GPR160: variants seen among roughly 807,000 people sequenced by gnomAD.
GPR160 encodes G protein-coupled receptor 160, also known as probable G protein-coupled receptor 160.
A neutral mutation model predicts 2.6 loss-of-function variants in GPR160; 2 were observed. That is an observed-to-expected ratio of 0.77 (90% CI 0.32 to 2.44). The LOEUF (loss-of-function observed/expected upper bound fraction) is 2.44. GPR160 is among the 30% of genes most tolerant of loss of function. The probability of loss-of-function intolerance (pLI) is 0.11; values close to 1 mark genes in which losing one functional copy is unlikely to be tolerated. For missense variants in GPR160, 351 were observed against 383.6 expected (o/e 0.91, Z 0.71); for synonymous variants, 130 against 132.2 (o/e 0.98, Z 0.12).
At chr3:170,068,192 T>C (rs1227894705) in intron 2 of GPR160, among the ~76,000 whole-genome samples, 3 of 152,234 alleles carry the variant, frequency 2.0e-5, no homozygotes, top group Non-Finnish European at 4.4e-5. Flanking sequence ...GTCACCCAGC[T>C]GGAGTGCAGT....
chr3:170,044,792 C>T (rs946171444), intron 2 of GPR160, among the ~76,000 whole-genome samples: 2 of 152,202 alleles, frequency 1.3e-5, no homozygotes, highest in Non-Finnish European at 1.5e-5. Context: ...CTCCCCCATC[C>T]TTCTCTGCCT....
In GPR160 at chr3:170,084,008, G is replaced by A; in HGVS notation, c.36G>A (p.Gln12=). ...TCTCTTCAGAGAACTGCTCTTTTCA[G>A]TACCAGTTACGTCAAACAAACCAGC... The part of the protein sequence containing the change: ...TALSSENCSF[Q]YQLRQTNQPL... Residue 12 remains glutamine, a synonymous_variant, in exon 4 of 4, where the codon CAG becomes CAA. Transcript: ENST00000355897. 1.3e-6 allele frequency: 2 copies of A among 1,545,216 alleles called. No individual in the cohort carries two copies. The highest frequency in any genetic ancestry group is 1.7e-6 in the Non-Finnish European group (2 of 1,153,860).
At chr3:170,054,047 T>C (rs1576894490) in intron 2 of GPR160, among the ~76,000 whole-genome samples, 1 of 151,938 alleles carries the variant, frequency 6.6e-6, no homozygotes, top group East Asian at 1.9e-4. Context: ...ATTTAGACAA[T>C]TTGAATCAGA....
Position 170,084,632 on chromosome 3 carries a change from T to TATC in GPR160, c.661_663dup (p.Ile221dup). On this transcript the variant is annotated inframe_insertion, in exon 4 of 4. Coordinates refer to ENST00000355897, the MANE Select transcript of GPR160 (RefSeq NM_014373.3). ...GGATAACTTCCTATATGAATGAAAC[T>TATC]ATCTTATATTTTCCTTTTTCATCCC... is the stretch of plus-strand genomic sequence containing the variant. The TATC allele has an allele frequency of 6.2e-7, 1 of 1,611,114 alleles. No individual in the cohort carries two copies. The highest frequency in any genetic ancestry group is 1.1e-5 in the South Asian group (1 of 90,964).
intron 2 of GPR160, among the ~76,000 whole-genome samples, chr3:170,063,633 C>T (rs571809505): frequency 5.3e-5 from 8 of 151,224 alleles, no homozygotes; most frequent in African/African-American, 9.7e-5. Context: ...CTCCTCTCTC[C>T]GGTGGAAGAG....
intron 2 of GPR160, among the ~76,000 whole-genome samples, chr3:170,047,068 G>A (rs1347146834): frequency 6.6e-6 from 1 of 152,180 alleles, no homozygotes; most frequent in Non-Finnish European, 1.5e-5. Context: ...GACAGCCCTT[G>A]CCTGGTCCCC....
intron 2 of GPR160, among the ~76,000 whole-genome samples, chr3:170,073,989 A>G (rs1016536249): frequency 1.3e-5 from 2 of 149,632 alleles, no homozygotes; most frequent in African/African-American, 4.9e-5. Context: ...CCTGGGTTCA[A>G]GTGATTCTCC....
At chr3:170,059,560 T>C (rs1006939454) in intron 2 of GPR160, among the ~76,000 whole-genome samples, 4 of 152,262 alleles carry the variant, frequency 2.6e-5, no homozygotes, top group Non-Finnish European at 5.9e-5. Context: ...TTTTTTGTTG[T>C]TAATTTCTTC....
At chr3:170,054,682 C>A (rs1559984173) in intron 2 of GPR160, among the ~76,000 whole-genome samples, 1 of 152,068 alleles carries the variant, frequency 6.6e-6, no homozygotes, top group South Asian at 2.1e-4. Flanking sequence ...TTTGATTATT[C>A]TAGGTACCTC....
At chr3:170,073,658 A>C (rs980369046) in intron 2 of GPR160, among the ~76,000 whole-genome samples, 3 of 152,252 alleles carry the variant, frequency 2.0e-5, no homozygotes, top group Non-Finnish European at 4.4e-5. Context: ...ATTTGTTAAC[A>C]ATTTCTGCTT....
At chr3:170,062,502 CA>C in intron 2 of GPR160, 1 of 621,810 alleles carries the variant, frequency 1.6e-6, no homozygotes, top group South Asian at 1.7e-5. Context: ...CTGGAATCCA[CA>C]GGAAAAGAAT....
chr3:170,052,287 G>C (rs1716991874), intron 2 of GPR160, among the ~76,000 whole-genome samples: 1 of 152,236 alleles, frequency 6.6e-6, no homozygotes, highest in African/African-American at 2.4e-5. Context: ...CATAGGATAA[G>C]CCTATGTTGA....
At chr3:170,061,248 C>T (rs1711935691) in intron 2 of GPR160, among the ~76,000 whole-genome samples, 1 of 149,918 alleles carries the variant, frequency 6.7e-6, no homozygotes, top group Non-Finnish European at 1.5e-5. Context: ...GCACTCCAGC[C>T]TGGGTGACAG....
chr3:170,046,392 C>A (rs553660045), intron 2 of GPR160, among the ~76,000 whole-genome samples: 45 of 152,280 alleles, frequency 3.0e-4, no homozygotes, highest in African/African-American at 1.0e-3. Flanking sequence ...CAAACTCCAA[C>A]CCCTTATGAG....
Position 170,084,379 on chromosome 3 carries a change from A to AATT in GPR160, c.411_413dup (p.Leu137dup). 1 of 1,608,298 alleles carries AATT rather than the reference A, an allele frequency of 6.2e-7. No homozygotes were observed. The highest frequency in any genetic ancestry group is 8.5e-7 in the Non-Finnish European group (1 of 1,175,524). On this transcript the variant is annotated inframe_insertion, in exon 4 of 4. Transcript: ENST00000355897. ...ACCAAGCTTTCATTTAAGTGTCAAAAATTATTTTATTTCTTTACAGTAATT... is the reference window on the plus strand; with the variant it reads ...ACCAAGCTTTCATTTAAGTGTCAAAAATTATTATTTTATTTCTTTACAGTAATT...
chr3:170,073,119 T>A (rs1457992700), intron 2 of GPR160, among the ~76,000 whole-genome samples: 1 of 151,800 alleles, frequency 6.6e-6, no homozygotes, highest in African/African-American at 2.4e-5. Flanking sequence ...GCCTGGGAGT[T>A]CAAGTTTACA....
At chr3:170,060,108 C>T (rs1416420055) in intron 2 of GPR160, among the ~76,000 whole-genome samples, 1 of 151,674 alleles carries the variant, frequency 6.6e-6, no homozygotes, top group Non-Finnish European at 1.5e-5. Flanking sequence ...CGTGCCAAAG[C>T]GGGCATGTGC....
intron 2 of GPR160, among the ~76,000 whole-genome samples, chr3:170,056,046 A>G (rs1294980555): frequency 2.0e-5 from 3 of 152,066 alleles, no homozygotes; most frequent in African/African-American, 7.2e-5. Flanking sequence ...TCCCATTCCT[A>G]TATTGTTGAT....
chr3:170,047,491 A>C (rs900662144), intron 2 of GPR160, among the ~76,000 whole-genome samples: 17 of 152,348 alleles, frequency 1.1e-4, no homozygotes, highest in African/African-American at 3.6e-4. Flanking sequence ...TAAATTTAAA[A>C]AATTTTAACA....
Sources: gnomAD v4.1 joint callset for allele counts (sites outside exome capture counted in the v4.1 genomes callset) on GRCh38, gnomAD v4.1.1 for gene constraint, MANE v1.5 for transcripts, NCBI Gene and HGNC (gene_info 2026-07-23, HGNC 2026-07-21) for gene names.